PCMTD2: variants seen among roughly 807,000 people sequenced by gnomAD.
PCMTD2 encodes the protein protein-L-isoaspartate (D-aspartate) O-methyltransferase domain containing 2.
A neutral mutation model predicts 33.4 loss-of-function variants in PCMTD2; 16 were observed. That is an observed-to-expected ratio of 0.48 (90% CI 0.32 to 0.73). The LOEUF is 0.73. Among genes scored for constraint, PCMTD2 ranks in the 30% least tolerant of loss-of-function variants. PCMTD2 has a pLI of 0.03. For missense variants in PCMTD2, 374 were observed against 449.9 expected (o/e 0.83, Z 1.53); for synonymous variants, 161 against 160.8 (o/e 1.00, Z -0.01).
rs191377181 is a variant in PCMTD2 at position 64,267,886 on chromosome 20, G to A, written c.583-1G>A. ...ATATTCTCATTTTGTCTCTGGGATAGTTGACTAAGATAACACGCACAGGTC... is the reference window on the plus strand; with the variant it reads ...ATATTCTCATTTTGTCTCTGGGATAATTGACTAAGATAACACGCACAGGTC... On this transcript the variant is annotated splice_acceptor_variant, in intron 4 of 5. Transcript: ENST00000308824. LOFTEE classifies it high-confidence loss of function. 2 of 1,612,626 alleles carry A rather than the reference G, an allele frequency of 1.2e-6. No individual in the cohort carries two copies.
intron 2 of PCMTD2, chr20:64,262,916 A>AGT (rs1243888664): frequency 2.6e-5 from 4 of 152,292 alleles, no homozygotes; most frequent in African/African-American, 9.7e-5. Flanking sequence ...TCCAGTGCTG[A>AGT]GTCCCAGGTG....
intron 5 of PCMTD2, among the ~76,000 whole-genome samples, chr20:64,269,328 G>A (rs1009703801): frequency 6.6e-6 from 1 of 152,214 alleles, no homozygotes; most frequent in East Asian, 1.9e-4. Flanking sequence ...GGCATCTTCG[G>A]GGTATTTATG....
chr20:64,263,179 A>C (rs575436139), intron 2 of PCMTD2, among the ~76,000 whole-genome samples: 1 of 152,198 alleles, frequency 6.6e-6, no homozygotes, highest in Non-Finnish European at 1.5e-5. Context: ...AGAGTCGGGA[A>C]TTGAAGTCGG....
Position 64,273,236 on chromosome 20 carries a change from G to C in PCMTD2, c.722G>C (p.Arg241Pro). 2 of 1,612,928 alleles carry C rather than the reference G, an allele frequency of 1.2e-6. No homozygotes were observed. Among genetic ancestry groups the C allele is most frequent in the Non-Finnish European group, 1.7e-6 (2 of 1,179,418 alleles). ...TGTGCTGCAGCACCAGTGGCAGTTC[G>C]CAGCCTCCAGGACTTGGCTCGCATC... ...RLVQLPPVAVRSLQDLARIAI... is the reference protein window; with the variant it reads ...RLVQLPPVAVPSLQDLARIAI... The change falls in exon 6 of 6, where the codon CGC becomes CCC. Residue 241 changes from arginine to proline, a missense_variant. Physicochemically the swap from Arg to Pro is moderately radical, Grantham distance 103. Coordinates refer to ENST00000308824, the MANE Select transcript of PCMTD2 (RefSeq NM_018257.3).
At chr20:64,266,291 TCTGTCGCC>T (rs955447165) in intron 4 of PCMTD2, among the ~76,000 whole-genome samples, 52 of 152,292 alleles carry the variant, frequency 3.4e-4, no homozygotes, top group African/African-American at 1.1e-3. Flanking sequence ...AGAGTCTCGC[TCTGTCGCC>T]CAGGCTGGAG....
At chr20:64,264,297 G>A (rs1985558131) in intron 2 of PCMTD2, 132 bp from the exon 3 acceptor site, 5 of 601,570 alleles carry the variant, frequency 8.3e-6, no homozygotes, top group South Asian at 4.2e-5. Flanking sequence ...ATACTGTGAT[G>A]AGACTTCAAA....
intron 1 of PCMTD2, among the ~76,000 whole-genome samples, chr20:64,256,113 G>A (rs953890536): frequency 2.0e-5 from 3 of 152,160 alleles, no homozygotes; most frequent in African/African-American, 7.2e-5. Flanking sequence ...GGTGCCCGTT[G>A]CTCACTCACA....
rs1345034572 is a variant in PCMTD2, at chr20:64,275,511, C to T, written c.*1911C>T. Reference sequence around the variant, plus strand: ...ATAAGACATGTTTTTCCTTCATATGCTAGACTTTTCCTAGCATTTCGTATT... The same window carrying T: ...ATAAGACATGTTTTTCCTTCATATGTTAGACTTTTCCTAGCATTTCGTATT... On this transcript the variant is annotated 3_prime_UTR_variant, in exon 6 of 6. Coordinates refer to ENST00000308824, the MANE Select transcript of PCMTD2 (RefSeq NM_018257.3). 1 of 152,064 alleles carries T rather than the reference C, an allele frequency of 6.6e-6. No homozygotes were observed. The highest frequency in any genetic ancestry group is 1.5e-5 in the Non-Finnish European group (1 of 68,008). 9.4% of individuals were successfully genotyped at this position (152,064 alleles called of 1,614,324 possible). A position where few individuals can be genotyped will look rare whatever the true frequency, so the allele number is the denominator to read the frequency against.
intron 1 of PCMTD2, among the ~76,000 whole-genome samples, chr20:64,256,288 C>T (rs1354354063): frequency 1.3e-5 from 2 of 152,174 alleles, no homozygotes; most frequent in East Asian, 1.9e-4. Flanking sequence ...CGCCCCCCCG[C>T]CCCGTGCCTT....
At chr20:64,257,450 C>T in intron 1 of PCMTD2, among the ~76,000 whole-genome samples, 1 of 152,116 alleles carries the variant, frequency 6.6e-6, no homozygotes, top group African/African-American at 2.4e-5. Flanking sequence ...TCGAGTGCAG[C>T]GTTCTAAAAA....
intron 4 of PCMTD2, among the ~76,000 whole-genome samples, chr20:64,266,960 G>C (rs1398699116): frequency 6.6e-6 from 1 of 152,026 alleles, no homozygotes; most frequent in Non-Finnish European, 1.5e-5. Flanking sequence ...TGTTTTGCTG[G>C]TATACAAGAA....
At chr20:64,258,258 C>T (rs978171481) in intron 1 of PCMTD2, among the ~76,000 whole-genome samples, 2 of 152,204 alleles carry the variant, frequency 1.3e-5, no homozygotes, top group Non-Finnish European at 2.9e-5. Context: ...GGCTAGGGTG[C>T]AGCCTCAGAA....
At chr20:64,268,153 T>TAAACGTTGCTTTATAA in intron 5 of PCMTD2, 143 bp downstream of exon 5, 1 of 563,362 alleles carries the variant, frequency 1.8e-6, no homozygotes, top group Non-Finnish European at 3.1e-6. Context: ...CTACAAGCAA[T>TAAACGTTGCTTTATAA]TTCAGGCATT....
intron 4 of PCMTD2, 119 bp downstream of exon 4, chr20:64,265,548 G>C (rs1323225265): frequency 2.4e-6 from 2 of 823,926 alleles, no homozygotes; most frequent in African/African-American, 3.4e-5. Context: ...GGAAACAGAG[G>C]CAGGGACAGG....
chr20:64,272,277 CTG>C (rs906789750), intron 5 of PCMTD2: 3 of 333,638 alleles, frequency 9.0e-6, no homozygotes, highest in East Asian at 1.4e-4. Flanking sequence ...ATAGTGCAGA[CTG>C]TTATTATTTG....
rs1601735501 is a variant in PCMTD2 at position 64,255,760 on chromosome 20, C to T, written c.-135C>T. 2.3e-5 allele frequency: 4 copies of T among 175,004 alleles called. No individual in the cohort carries two copies. The highest frequency in any genetic ancestry group is 1.0e-4 in the South Asian group (1 of 9,950). The allele number at this position is 175,004 out of a possible 1,614,324, so 10.8% of individuals were successfully genotyped here. ...CGGCGGCGGCGGCGGATGTTTACGG[C>T]GGCCGAGGTTGGAGCGGCGCTGCTC... On this transcript the variant is annotated 5_prime_UTR_variant, in exon 1 of 6. Transcript: ENST00000308824.
intron 3 of PCMTD2, 55 bp from the exon 4 acceptor site, chr20:64,265,203 A>T: frequency 7.4e-7 from 1 of 1,358,496 alleles, no homozygotes; most frequent in East Asian, 2.3e-5. Context: ...GATTTACTGT[A>T]TAGACTTGTT....
At chr20:64,270,623 G>A (rs1985876280) in intron 5 of PCMTD2, among the ~76,000 whole-genome samples, 1 of 152,152 alleles carries the variant, frequency 6.6e-6, no homozygotes, top group African/African-American at 2.4e-5. Flanking sequence ...AATGGAAGCA[G>A]GAACAAGTGG....
At chr20:64,257,214 A>G (rs1336495783) in intron 1 of PCMTD2, among the ~76,000 whole-genome samples, 1 of 152,154 alleles carries the variant, frequency 6.6e-6, no homozygotes, top group African/African-American at 2.4e-5. Context: ...CGCCTCCCAA[A>G]ACCCCACTAC....
Sources: gnomAD v4.1 joint callset for allele counts (sites outside exome capture counted in the v4.1 genomes callset) on GRCh38, gnomAD v4.1.1 for gene constraint, MANE v1.5 for transcripts, NCBI Gene and HGNC (gene_info 2026-07-23, HGNC 2026-07-21) for gene names.